The following KIF4A variants were observed in gnomAD, a reference collection of about 807,000 sequenced individuals.
The protein encoded by KIF4A is chromosome-associated kinesin KIF4A.
Under a neutral mutation model 105.9 loss-of-function variants are expected in KIF4A, and 7 were observed. That is an observed-to-expected ratio of 0.07 (90% CI 0.04 to 0.12). The LOEUF is 0.12. Ranked by LOEUF, KIF4A falls within the 10% of genes least tolerant of loss-of-function variation. The pLI, the probability that KIF4A is intolerant of heterozygous loss-of-function variation, is 1.00. For missense variants in KIF4A, 558 were observed against 929.2 expected (o/e 0.60, Z 5.19); for synonymous variants, 281 against 331.3 (o/e 0.85, Z 1.65).
chrX:70,390,333 GA>G (rs1486193533), intron 20 of KIF4A, among the ~76,000 whole-genome samples: 2 of 111,384 alleles, frequency 1.8e-5, no homozygotes, highest in African/African-American at 3.3e-5. Context: ...GTACAATATT[GA>G]ATAGACTAGG....
intron 10 of KIF4A, among the ~76,000 whole-genome samples, chrX:70,339,555 A>G (rs1405650666): frequency 3.5e-5 from 4 of 112,931 alleles, no homozygotes; most frequent in Non-Finnish European, 5.6e-5. Flanking sequence ...TTGATGAATC[A>G]AACAATTAAA....
At chrX:70,300,029 A>G (rs1602738628) in intron 5 of KIF4A, among the ~76,000 whole-genome samples, 1 of 111,616 alleles carries the variant, frequency 9.0e-6, no homozygotes, top group East Asian at 2.8e-4. Flanking sequence ...GGCTGGAGGT[A>G]GATGAGGCTA....
At chrX:70,295,331 A>T (rs2085777598) in intron 3 of KIF4A, among the ~76,000 whole-genome samples, 1 of 108,425 alleles carries the variant, frequency 9.2e-6, no homozygotes, top group Non-Finnish European at 1.9e-5. Flanking sequence ...GCCCACCATC[A>T]CACCCAGCTA....
intron 22 of KIF4A, among the ~76,000 whole-genome samples, chrX:70,397,648 C>T (rs1198947638): frequency 8.9e-6 from 1 of 111,935 alleles, no homozygotes; most frequent in African/African-American, 3.2e-5. Flanking sequence ...TTATTTTAAG[C>T]AGTTTATGAA....
chrX:70,374,004 C>G (rs1455194676), intron 15 of KIF4A, 147 bp from the exon 16 acceptor site: 9 of 317,615 alleles, frequency 2.8e-5, no homozygotes, highest in Admixed American at 1.2e-4. Flanking sequence ...TAATTTTAAT[C>G]TCCATCAAAT....
chrX:70,323,857 C>G (rs1032136819), intron 7 of KIF4A, among the ~76,000 whole-genome samples: 1 of 86,255 alleles, frequency 1.2e-5, no homozygotes, highest in Admixed American at 1.3e-4. Flanking sequence ...TATTTGAGAC[C>G]GAGTCTTGCT....
At chrX:70,330,089 A>C in intron 8 of KIF4A, 68 bp from the exon 9 acceptor site, 2 of 969,837 alleles carry the variant, frequency 2.1e-6, no homozygotes, top group Non-Finnish European at 2.8e-6. Flanking sequence ...ACCCGAATGG[A>C]CGGCTTTGCT....
chrX:70,338,313 T>C lies in KIF4A; in HGVS notation c.1134-3486T>C, dbSNP rs778268855. Among the ~76,000 whole-genome samples, 7 of 112,120 alleles carry C rather than the reference T, an allele frequency of 6.2e-5. No individual in the cohort carries two copies. In the Admixed American group the frequency reaches 6.6e-4, roughly 11 times the overall value. ...TCCTCATGCCCATTTGCCATCACTC[T>C]CATTCCCACTCCCAGACCAAGGCAA... On this transcript the variant is annotated intron_variant, in intron 10 of 30. Coordinates refer to ENST00000374403, the MANE Select transcript of KIF4A (RefSeq NM_012310.5).
At chrX:70,401,063 C>T (rs1032316871) in intron 22 of KIF4A, among the ~76,000 whole-genome samples, 37 of 104,646 alleles carry the variant, frequency 3.5e-4, no homozygotes, top group African/African-American at 1.1e-3. Flanking sequence ...CACCGCGCCC[C>T]GCCAATAGGT....
At chrX:70,376,044 C>A in intron 17 of KIF4A, 56 bp from the exon 18 acceptor site, 1 of 840,069 alleles carries the variant, frequency 1.2e-6, no homozygotes, top group South Asian at 2.3e-5. Flanking sequence ...TCCATCCGCA[C>A]CAGCCTAGAA....
intron 7 of KIF4A, among the ~76,000 whole-genome samples, chrX:70,324,923 G>T (rs2085905165): frequency 9.0e-6 from 1 of 111,388 alleles, no homozygotes; most frequent in African/African-American, 3.3e-5. Flanking sequence ...CTGGAACTGC[G>T]AGTGTATGCC....
chrX:70,349,357 G>A (rs1443454617), intron 13 of KIF4A, among the ~76,000 whole-genome samples: 7 of 100,021 alleles, frequency 7.0e-5, no homozygotes, highest in African/African-American at 1.1e-4. Context: ...TGGGGCGGCC[G>A]GGCAGAGGCG....
intron 20 of KIF4A, among the ~76,000 whole-genome samples, chrX:70,391,646 A>C (rs1436462916): frequency 9.1e-6 from 1 of 109,475 alleles, no homozygotes; most frequent in African/African-American, 3.3e-5. Context: ...CAAGGATTAC[A>C]TGTGCAGGTT....
intron 9 of KIF4A, among the ~76,000 whole-genome samples, chrX:70,332,867 C>A (rs2085936191): frequency 9.0e-6 from 1 of 111,327 alleles, no homozygotes; most frequent in African/African-American, 3.3e-5. Flanking sequence ...TCCATGAAGC[C>A]TCCCTTTGAC....
At chrX:70,308,695 C>T (rs749833888) in intron 7 of KIF4A, among the ~76,000 whole-genome samples, 90 of 112,017 alleles carry the variant, frequency 8.0e-4, no homozygotes, top group African/African-American at 2.7e-3. Flanking sequence ...CTGCAACCTC[C>T]GCCTCCTGGG....
At chrX:70,297,565 T>C (rs1300003038) in intron 4 of KIF4A, among the ~76,000 whole-genome samples, 1 of 112,249 alleles carries the variant, frequency 8.9e-6, no homozygotes, top group East Asian at 2.8e-4. Flanking sequence ...AGCTGAAATA[T>C]TGAGCTGTAT....
intron 15 of KIF4A, among the ~76,000 whole-genome samples, chrX:70,365,331 G>A (rs1204995438): frequency 9.0e-6 from 1 of 111,582 alleles, no homozygotes; most frequent in East Asian, 2.8e-4. Context: ...AGTTTTCAAA[G>A]GGAATGCTTC....
chrX:70,304,209 G>A (rs1338379806), intron 7 of KIF4A, among the ~76,000 whole-genome samples: 5 of 100,856 alleles, frequency 5.0e-5, no homozygotes, highest in Admixed American at 1.1e-4. Flanking sequence ...TTGTCCTTGC[G>A]ATAGTTTACT....
At chrX:70,310,019 G>T (rs773435253) in intron 7 of KIF4A, among the ~76,000 whole-genome samples, 2 of 112,081 alleles carry the variant, frequency 1.8e-5, no homozygotes, top group Non-Finnish European at 3.8e-5. Flanking sequence ...CTCCAGGCTG[G>T]GTGACAGAGT....
Sources: allele counts gnomAD v4.1 joint callset (sites outside exome capture counted in the v4.1 genomes callset), GRCh38; gene constraint gnomAD v4.1.1; transcripts MANE v1.5; gene names NCBI Gene and HGNC (gene_info 2026-07-23, HGNC 2026-07-21).